Variants in INPP4A observed in about 807,000 individuals in gnomAD.
INPP4A encodes inositol polyphosphate-4-phosphatase, type I, 107kD.
In INPP4A, 33 loss-of-function variants were observed where a neutral mutation model predicts 119.8. That is an observed-to-expected ratio of 0.28 (90% confidence interval 0.21 to 0.37). INPP4A has a LOEUF of 0.37. Among genes scored for constraint, INPP4A ranks in the 10% least tolerant of loss-of-function variants. INPP4A has a pLI of 1.00. For synonymous variants in INPP4A, 496 were observed against 500.7 expected, an observed-to-expected ratio of 0.99 and a Z score of 0.12; for missense variants, 956 against 1,289.9, an observed-to-expected ratio of 0.74 and a Z score of 3.97.
intron 1 of INPP4A, among the ~76,000 whole-genome samples, chr2:98,449,944 A>T (rs1479667954): frequency 1.3e-5 from 2 of 152,150 alleles, no homozygotes; most frequent in African/African-American, 4.8e-5. Context: ...TTGTTAATGT[A>T]TATTTTAACT....
chr2:98,548,409 G>A (rs565836622), intron 13 of INPP4A, among the ~76,000 whole-genome samples: 1 of 152,334 alleles, frequency 6.6e-6, no homozygotes, highest in Non-Finnish European at 1.5e-5. Context: ...CAGCCAGCCA[G>A]AAAGCGTGTC....
chr2:98,487,163 G>T (rs1351530711), intron 1 of INPP4A, among the ~76,000 whole-genome samples: 1 of 152,194 alleles, frequency 6.6e-6, no homozygotes, highest in Non-Finnish European at 1.5e-5. Context: ...GTACATTGTA[G>T]TGTGTTAATT....
intron 1 of INPP4A, among the ~76,000 whole-genome samples, chr2:98,473,444 T>A (rs771864633): frequency 1.5e-4 from 22 of 146,650 alleles, no homozygotes; most frequent in Non-Finnish European, 2.9e-4. Flanking sequence ...CAGTGGAGAG[T>A]GAGGAGGACA....
At position 98,570,971 on chromosome 2, in the gene INPP4A, T is replaced by G. The variant is rs1559099079; in HGVS notation, c.2519-1844T>G. On this transcript the variant is annotated intron_variant, in intron 22 of 24. Transcript: ENST00000409851. The surrounding 1 kb of genome is among the most constrained non-coding windows in gnomAD (Gnocchi z 4.3). ...GAGTGTGGTGGGCAGGACCTGGGCA[T>G]TAGGGTTTCAGAAACTCCCCAGGTG... Among the ~76,000 whole-genome samples the G allele has an allele frequency of 6.6e-6, 1 of 152,002 alleles. No homozygotes were observed. Among genetic ancestry groups the G allele is most frequent in the Admixed American group, 6.5e-5 (1 of 15,268 alleles).
chr2:98,501,354 G>A (rs778227841), intron 1 of INPP4A, among the ~76,000 whole-genome samples: 5 of 152,132 alleles, frequency 3.3e-5, no homozygotes, highest in Non-Finnish European at 7.4e-5. Context: ...TGTATTTAAA[G>A]AAAAACCTGT....
At chr2:98,503,363 G>A (rs142420889) in intron 1 of INPP4A, among the ~76,000 whole-genome samples, 18 of 152,302 alleles carry the variant, frequency 1.2e-4, no homozygotes, top group East Asian at 1.2e-3. Flanking sequence ...AATTGACCTC[G>A]TCCTGGCTCT....
intron 24 of INPP4A, among the ~76,000 whole-genome samples, chr2:98,578,387 C>G (rs1449692555): frequency 6.6e-6 from 1 of 152,206 alleles, no homozygotes; most frequent in Non-Finnish European, 1.5e-5. Flanking sequence ...GGACAGGGAT[C>G]CCTGTGGTAG....
At chr2:98,445,399 G>T (rs1302940394) in intron 1 of INPP4A, among the ~76,000 whole-genome samples, 1 of 152,246 alleles carries the variant, frequency 6.6e-6, no homozygotes, top group East Asian at 1.9e-4. Context: ...CCAGGGCTGG[G>T]TCTACGGGCT....
intron 1 of INPP4A, among the ~76,000 whole-genome samples, chr2:98,458,114 C>G (rs768461768): frequency 6.6e-6 from 1 of 152,054 alleles, no homozygotes; most frequent in Non-Finnish European, 1.5e-5. Flanking sequence ...CCATCACACC[C>G]TGCCTAACTT....
At chr2:98,446,715 T>C (rs903431209) in intron 1 of INPP4A, among the ~76,000 whole-genome samples, 3 of 152,202 alleles carry the variant, frequency 2.0e-5, no homozygotes, top group Non-Finnish European at 4.4e-5. Flanking sequence ...TAGATTATTC[T>C]GTCTCAGGGT....
rs1211750554 is a variant in INPP4A at position 98,559,428 on chromosome 2, C to T, written c.1823-35C>T. On this transcript the variant is annotated intron_variant, in intron 16 of 24. Coordinates refer to ENST00000409851, the MANE Select transcript of INPP4A (RefSeq NM_001134225.2). ...GCTTGGTTTGAACTGTGTGCTGCTC[C>T]TTAATCATCCATGTCGCCCTCCATT... 4 of 1,613,628 alleles carry T rather than the reference C, an allele frequency of 2.5e-6. No homozygotes were observed. In the Admixed American group the frequency reaches 5.0e-5, roughly 20 times the overall value.
In INPP4A at chr2:98,566,177, C is replaced by G; in HGVS notation, c.2420+8C>G. ...GCAGACACTGGCCGAGAGGTGCGTG[C>G]CGGCTCCTCGGGGCTGCGGGGGTGT... On this transcript the variant is annotated splice_region_variant and intron_variant, in intron 21 of 24. Coordinates refer to ENST00000409851, the MANE Select transcript of INPP4A (RefSeq NM_001134225.2). This position sits in a 1 kb window ranked among gnomAD's most constrained non-coding sequence, Gnocchi z 4.2. 1 of 1,578,892 alleles carries G rather than the reference C, an allele frequency of 6.3e-7. No individual in the cohort carries two copies. The highest frequency in any genetic ancestry group is 8.6e-7 in the Non-Finnish European group (1 of 1,158,642).
At chr2:98,513,272 G>T (rs1282198613) in intron 1 of INPP4A, among the ~76,000 whole-genome samples, 1 of 152,166 alleles carries the variant, frequency 6.6e-6, no homozygotes, top group African/African-American at 2.4e-5. Flanking sequence ...GTTTTCTCCA[G>T]TGTTCAACAT....
chr2:98,589,067 C>T lies in INPP4A; in HGVS notation c.*1459C>T, dbSNP rs1700189813. On this transcript the variant is annotated 3_prime_UTR_variant, in exon 25 of 25. Coordinates refer to ENST00000409851, the MANE Select transcript of INPP4A (RefSeq NM_001134225.2). ...GGTGGAACTGGATGACCTTCCAGACCCCCTCCTACTCAGAAGTCAGCATGC... is the reference window on the plus strand; with the variant it reads ...GGTGGAACTGGATGACCTTCCAGACTCCCTCCTACTCAGAAGTCAGCATGC... The T allele has an allele frequency of 5.5e-6, 1 of 181,202 alleles. No individual in the cohort carries two copies. The highest frequency in any genetic ancestry group is 2.4e-5 in the African/African-American group (1 of 42,408). The allele number at this position is 181,202 out of a possible 1,614,324, so 11.2% of individuals were successfully genotyped here. A position where few individuals can be genotyped will look rare whatever the true frequency, so the allele number is the denominator to read the frequency against.
At chr2:98,585,613 C>T (rs1378167239) in intron 24 of INPP4A, among the ~76,000 whole-genome samples, 2 of 152,216 alleles carry the variant, frequency 1.3e-5, no homozygotes, top group African/African-American at 4.8e-5. Context: ...CCCGGGCCCT[C>T]TTGCCAGCTC....
At chr2:98,533,701 TATTG>T (rs1275098817) in intron 5 of INPP4A, among the ~76,000 whole-genome samples, 2 of 152,256 alleles carry the variant, frequency 1.3e-5, no homozygotes, top group African/African-American at 2.4e-5. Flanking sequence ...CCTTTACAGT[TATTG>T]ATTAACTGTT....
rs1700513474 is a variant in INPP4A, at chr2:98,594,298, A to C, written c.*6690A>C. ...GTTATCTTGATCTGGATGGCCAGTT[A>C]CATGACAGATTACTTTGTTCTTAAC... On this transcript the variant is annotated 3_prime_UTR_variant, in exon 25 of 25. Coordinates refer to ENST00000409851, the MANE Select transcript of INPP4A (RefSeq NM_001134225.2). 6.6e-6 allele frequency: 1 copy of C among 152,246 alleles called. No individual in the cohort carries two copies. The highest frequency in any genetic ancestry group is 6.5e-5 in the Admixed American group (1 of 15,288). 9.4% of individuals were successfully genotyped at this position (152,246 alleles called of 1,614,324 possible). A position where few individuals can be genotyped will look rare whatever the true frequency, so the allele number is the denominator to read the frequency against.
chr2:98,565,316 C>T lies in INPP4A; in HGVS notation c.2153-324C>T, dbSNP rs575098163. Among the ~76,000 whole-genome samples the T allele has an allele frequency of 2.6e-5, 4 of 152,342 alleles. No homozygotes were observed. In the South Asian group the frequency reaches 8.3e-4, roughly 32 times the overall value. On this transcript the variant is annotated intron_variant, in intron 19 of 24. Coordinates refer to ENST00000409851, the MANE Select transcript of INPP4A (RefSeq NM_001134225.2). The stretch of plus-strand genomic sequence containing the variant: ...AAAGCTGCTTTAGCATCTCTCATTT[C>T]GTGTTTCAAGAGCTGGCTTTGCTTT...
intron 1 of INPP4A, among the ~76,000 whole-genome samples, chr2:98,499,985 G>A (rs1682793458): frequency 6.6e-6 from 1 of 152,296 alleles, no homozygotes; most frequent in South Asian, 2.1e-4. Flanking sequence ...CATATAAGAT[G>A]TCAGTGGCAG....
Sources: allele counts gnomAD v4.1 joint callset (sites outside exome capture counted in the v4.1 genomes callset), GRCh38; gene constraint gnomAD v4.1.1; non-coding constraint Gnocchi (gnomAD v3.1); transcripts MANE v1.5; gene names NCBI Gene and HGNC (gene_info 2026-07-23, HGNC 2026-07-21).